SIDT1: variants seen among roughly 807,000 people sequenced by gnomAD.
SIDT1 encodes the protein SID1 transmembrane family member 1, also known as SID1 transmembrane family, member 1.
A neutral mutation model predicts 107.5 loss-of-function variants in SIDT1; 101 were observed. The ratio of observed to expected loss-of-function variants is 0.94; its 90% confidence interval spans 0.80 to 1.11. The LOEUF is 1.11. SIDT1 is among the 50% of genes least tolerant of loss of function. The pLI is 0.00. For missense variants in SIDT1, 1,076 were observed against 1,058.2 expected, an observed-to-expected ratio of 1.02 and a Z score of -0.23; for synonymous variants, 395 against 398.2, an observed-to-expected ratio of 0.99 and a Z score of 0.10.
chr3:113,616,217 A>G (rs754656216), intron 20 of SIDT1, 41 bp downstream of exon 20: 6 of 1,471,480 alleles, frequency 4.1e-6, no homozygotes, highest in Non-Finnish European at 5.7e-6. Context: ...TGTCCCAGAA[A>G]GCAGGGGAAT....
chr3:113,626,108 C>G lies in SIDT1; in HGVS notation c.2314C>G (p.Pro772Ala). Residue 772 changes from proline (P) to alanine (A), a missense_variant, in exon 24 of 25, where the codon CCG (proline) becomes GCG (alanine). Coordinates refer to ENST00000264852, the MANE Select transcript of SIDT1 (RefSeq NM_017699.3). ...FQNLSSWEGT[P>A]AESREKNREC... ...CTGCCTCACCTTCCTCCAGGGAACT[C>G]CGGCCGAATCCCGGGAGAAGAACCG... The G allele has an allele frequency of 6.2e-7, 1 of 1,613,464 alleles. No homozygotes were observed. The highest frequency in any genetic ancestry group is 1.3e-5 in the African/African-American group (1 of 74,992).
chr3:113,600,463 T>C (rs1944882118), intron 10 of SIDT1, among the ~76,000 whole-genome samples: 1 of 152,056 alleles, frequency 6.6e-6, no homozygotes, highest in African/African-American at 2.4e-5. Flanking sequence ...ATAATAATAT[T>C]ATCAACCTCC....
intron 3 of SIDT1, among the ~76,000 whole-genome samples, chr3:113,568,928 G>A (rs1942184520): frequency 1.3e-5 from 2 of 151,990 alleles, no homozygotes; most frequent in Admixed American, 6.5e-5. Context: ...GAGGTCAGGA[G>A]AGCGAGACCA....
chr3:113,546,918 C>G (rs1692069446), intron 1 of SIDT1, among the ~76,000 whole-genome samples: 1 of 152,158 alleles, frequency 6.6e-6, no homozygotes, highest in Admixed American at 6.5e-5. Context: ...CATGTCAACA[C>G]ACCAAGATGG....
chr3:113,608,117 A>G lies in SIDT1; in HGVS notation c.1502A>G (p.Asn501Ser), dbSNP rs750899020. 5 of 1,610,842 alleles carry G rather than the reference A, an allele frequency of 3.1e-6. No individual in the cohort carries two copies. The African/African-American group carries it at 4.0e-5, about 13-fold the overall frequency. Residue 501 changes from asparagine (N) to serine (S), a missense_variant, in exon 16 of 25, where the codon AAT becomes AGT. Coordinates refer to ENST00000264852, the MANE Select transcript of SIDT1 (RefSeq NM_017699.3). ...AGTGCCTTCAACAACATTCTCAGCA[A>G]TCTGGGCCACGTGCTTCTGGGCTTC... Reference protein sequence around the residue: ...VLSAFNNILSNLGHVLLGFLF... With the variant: ...VLSAFNNILSSLGHVLLGFLF...
intron 10 of SIDT1, among the ~76,000 whole-genome samples, chr3:113,599,332 A>C (rs1307274713): frequency 1.3e-5 from 2 of 152,262 alleles, no homozygotes; most frequent in Non-Finnish European, 2.9e-5. Flanking sequence ...AGCAGCTGCC[A>C]ATCTAAAAAG....
At chr3:113,549,240 TAA>T in intron 1 of SIDT1, among the ~76,000 whole-genome samples, 1 of 152,328 alleles carries the variant, frequency 6.6e-6, no homozygotes, top group Non-Finnish European at 1.5e-5. Flanking sequence ...TGTGTGGACA[TAA>T]GTTTTCAACT....
downstream of SIDT1, among the ~76,000 whole-genome samples, chr3:113,630,676 C>T (rs1947084958): frequency 6.6e-6 from 1 of 152,156 alleles, no homozygotes; most frequent in African/African-American, 2.4e-5. Flanking sequence ...TTCTGGAGTC[C>T]ACCTACTCGC....
At chr3:113,554,890 A>T (rs535594129) in intron 1 of SIDT1, among the ~76,000 whole-genome samples, 14 of 152,274 alleles carry the variant, frequency 9.2e-5, no homozygotes, top group African/African-American at 3.4e-4. Flanking sequence ...CTAGACTTTG[A>T]CTTGGGAACC....
intron 9 of SIDT1, chr3:113,588,927 G>A (rs755548759): frequency 6.6e-6 from 1 of 152,204 alleles, no homozygotes; most frequent in Non-Finnish European, 1.5e-5. Flanking sequence ...GAGATCCCAG[G>A]TGGGTGTGAT....
intron 14 of SIDT1, chr3:113,606,332 A>G (rs1945332420): frequency 6.6e-6 from 1 of 152,220 alleles, no homozygotes; most frequent in Admixed American, 6.5e-5. Context: ...CCCCGTCCCA[A>G]TTAGATCAGA....
At position 113,581,348 on chromosome 3, in the gene SIDT1, A is replaced by G; in HGVS notation, c.664-13A>G. ...ATGGATGCTTTCCATTTTATTCCTC[A>G]TGCATGCTGCAGTGCCCGGTGTATG... On this transcript the variant is annotated splice_polypyrimidine_tract_variant and intron_variant, in intron 5 of 24. Transcript: ENST00000264852. The G allele has an allele frequency of 6.2e-7, 1 of 1,608,468 alleles. No individual in the cohort carries two copies. The highest frequency in any genetic ancestry group is 8.5e-7 in the Non-Finnish European group (1 of 1,174,858).
chr3:113,554,266 T>G (rs1940595511), intron 1 of SIDT1, among the ~76,000 whole-genome samples: 1 of 152,186 alleles, frequency 6.6e-6, no homozygotes. Context: ...CACGATTTAT[T>G]GCATGTTAAA....
At chr3:113,594,790 C>A (rs1432312419) in intron 10 of SIDT1, 2 of 153,632 alleles carry the variant, frequency 1.3e-5, no homozygotes, top group Non-Finnish European at 2.9e-5. Flanking sequence ...AAAAAAAAAT[C>A]TCAAACCTGC....
chr3:113,545,159 A>T (rs1939448609), intron 1 of SIDT1, among the ~76,000 whole-genome samples: 1 of 150,870 alleles, frequency 6.6e-6, no homozygotes, highest in Non-Finnish European at 1.5e-5. Flanking sequence ...GTGAAGTAAT[A>T]ATACTTGATA....
chr3:113,558,564 G>A (rs942005427), intron 1 of SIDT1, among the ~76,000 whole-genome samples: 8 of 152,204 alleles, frequency 5.3e-5, no homozygotes, highest in Non-Finnish European at 1.0e-4. Flanking sequence ...CTTACTGCCT[G>A]TTATGAAAGA....
At chr3:113,564,216 A>T (rs1576778853) in intron 1 of SIDT1, among the ~76,000 whole-genome samples, 1 of 152,248 alleles carries the variant, frequency 6.6e-6, no homozygotes, top group Admixed American at 6.5e-5. Flanking sequence ...CTGGGATTAC[A>T]GGCGTGAGCC....
At chr3:113,563,177 A>G (rs1315334291) in intron 1 of SIDT1, among the ~76,000 whole-genome samples, 2 of 152,252 alleles carry the variant, frequency 1.3e-5, no homozygotes, top group Non-Finnish European at 2.9e-5. Flanking sequence ...AGACGAAGGC[A>G]CAGAAGACAT....
intron 4 of SIDT1, among the ~76,000 whole-genome samples, chr3:113,578,559 A>G (rs1456854692): frequency 6.6e-6 from 1 of 151,570 alleles, no homozygotes; most frequent in Non-Finnish European, 1.5e-5. Flanking sequence ...AATAAATATG[A>G]TATACTGATC....
Sources: allele counts gnomAD v4.1 joint callset (sites outside exome capture counted in the v4.1 genomes callset), GRCh38; gene constraint gnomAD v4.1.1; transcripts MANE v1.5; gene names NCBI Gene and HGNC (gene_info 2026-07-23, HGNC 2026-07-21).